KLC1: variants seen among roughly 807,000 people sequenced by gnomAD.
KLC1 encodes the protein kinesin 2 60/70kDa.
Under a neutral mutation model 84.2 loss-of-function variants are expected in KLC1, and 30 were observed. The observed-to-expected ratio is 0.36, with a 90% CI of 0.27 to 0.48. The LOEUF (loss-of-function observed/expected upper bound fraction) is 0.48, where lower values mean the gene tolerates loss of function less well. Ranked by LOEUF, KLC1 falls within the 20% of genes least tolerant of loss-of-function variation. The pLI is 0.99. For synonymous variants in KLC1, 289 were observed against 293.3 expected (o/e 0.99, Z 0.15); for missense variants, 499 against 805.4 (o/e 0.62, Z 4.60).
intron 2 of KLC1, among the ~76,000 whole-genome samples, chr14:103,656,935 G>C: frequency 6.6e-6 from 1 of 152,270 alleles, no homozygotes; most frequent in Non-Finnish European, 1.5e-5. Flanking sequence ...ACAGCCTCAC[G>C]CTGGTCTGTT....
At chr14:103,656,146 A>G (rs76314289) in intron 2 of KLC1, among the ~76,000 whole-genome samples, 3,835 of 152,242 alleles carry the variant, frequency 0.025, 63 homozygotes, top group Non-Finnish European at 0.038. Context: ...TCCTTCCTTG[A>G]AGGCTGCTGC....
In KLC1 at chr14:103,679,308, G is replaced by C. The variant is rs140623157; in HGVS notation, c.1489-76G>C. ...GAACTGTTTTTTTTTTTTTTTTCTA[G>C]CGAAGTATCTCAGAAATACCTAAGA... On this transcript the variant is annotated intron_variant, in intron 12 of 16. Coordinates refer to ENST00000334553, the MANE Select transcript of KLC1 (RefSeq NM_001394837.1). 1.6e-5 allele frequency: 20 copies of C among 1,231,862 alleles called. No homozygotes were observed. The African/African-American group carries it at 2.8e-4, about 18-fold the overall frequency. The allele number at this position is 1,231,862 out of a possible 1,614,324, so 76.3% of individuals were successfully genotyped here.
At position 103,693,641 on chromosome 14, in the gene KLC1, T is replaced by C. The variant is rs2082246642; in HGVS notation, c.1848+1216T>C. The C allele has an allele frequency of 4.6e-6, 7 of 1,535,214 alleles. No homozygotes were observed. Among genetic ancestry groups the C allele is most frequent in the South Asian group, 3.6e-5 (3 of 83,988 alleles). ...TGAGAGCCAGCAGGGCTAGGTAACC[T>C]GTCTTGGGAGTGTGAGACCGCCCCG... is the stretch of plus-strand genomic sequence containing the variant. On this transcript the variant is annotated intron_variant, in intron 15 of 16. Coordinates refer to ENST00000334553, the MANE Select transcript of KLC1 (RefSeq NM_001394837.1). This position sits in a 1 kb window ranked among gnomAD's most constrained non-coding sequence, Gnocchi z 5.1.
chr14:103,662,056 TCAGGA>T (rs1003049391), intron 3 of KLC1, 55 bp from the exon 4 acceptor site: 1 of 1,116,548 alleles, frequency 9.0e-7, no homozygotes, highest in Admixed American at 1.9e-5. Context: ...TTAAAAATTT[TCAGGA>T]CAGGATGTGT....
At position 103,662,740 on chromosome 14, in the gene KLC1, C is replaced by A. The variant is rs2079401514; in HGVS notation, c.610C>A (p.Gln204Lys). The A allele has an allele frequency of 6.2e-7, 1 of 1,607,990 alleles. No individual in the cohort carries two copies. The highest frequency in any genetic ancestry group is 8.5e-7 in the Non-Finnish European group (1 of 1,177,492). The change falls in exon 5 of 17, where the codon CAG (glutamine) becomes AAG (lysine). Residue 204 changes from glutamine (Q) to lysine (K), a missense_variant. Transcript: ENST00000334553. ...QHSSAAAAAQ[Q>K]GGYEIPARLR... ...CAGCAGTGCAGCCGCGGCTGCCCAG[C>A]AGGGCGGCTACGAGATCCCCGCGCG...
chr14:103,677,114 CCCAGAT>C (rs2080966004), intron 11 of KLC1, among the ~76,000 whole-genome samples: 1 of 151,818 alleles, frequency 6.6e-6, no homozygotes. Flanking sequence ...ACAGACCTGG[CCCAGAT>C]GTTTCTGTTG....
chr14:103,691,109 A>G (rs2082081011), intron 14 of KLC1, among the ~76,000 whole-genome samples: 1 of 151,112 alleles, frequency 6.6e-6, no homozygotes, highest in Non-Finnish European at 1.5e-5. Context: ...CCTGAAAAGC[A>G]TCAGACTGAA....
At chr14:103,638,690 C>T (rs1333128509) in intron 1 of KLC1, among the ~76,000 whole-genome samples, 3 of 136,116 alleles carry the variant, frequency 2.2e-5, no homozygotes, top group Non-Finnish European at 4.6e-5. Context: ...GAGTCAGAGT[C>T]TCGCTCTGTC....
chr14:103,679,672 G>A (rs1231490600), intron 13 of KLC1, 127 bp downstream of exon 13: 2 of 664,006 alleles, frequency 3.0e-6, no homozygotes, highest in African/African-American at 3.6e-5. Context: ...TAAGCTTTCT[G>A]TAAGTTCTTC....
rs539945095 is a variant in KLC1, at chr14:103,685,967, T to C, written c.1651-1114T>C. ...ACAGGTAGTTAAGTGTCACACAAGG[T>C]GTTGTTGCAATGGCATGACGGTGAC... On this transcript the variant is annotated intron_variant, in intron 13 of 16. Transcript: ENST00000334553. 15 of 1,118,298 alleles carry C rather than the reference T, an allele frequency of 1.3e-5. No individual in the cohort carries two copies. The South Asian group carries it at 3.2e-4, about 24-fold the overall frequency. 69.3% of individuals were successfully genotyped at this position (1,118,298 alleles called of 1,614,324 possible).
chr14:103,701,022 A>G (rs1398712613), intron 16 of KLC1, among the ~76,000 whole-genome samples, 179 bp from the exon 17 acceptor site: 1 of 152,174 alleles, frequency 6.6e-6, no homozygotes, highest in Non-Finnish European at 1.5e-5. Context: ...GGGAGCAGAG[A>G]CCAAAGACGC....
intron 15 of KLC1, chr14:103,699,513 G>C (rs1367173444): frequency 2.5e-6 from 4 of 1,613,198 alleles, no homozygotes; most frequent in Non-Finnish European, 2.5e-6. Context: ...ATGACCACCA[G>C]GCGAGCCATG....
chr14:103,691,406 C>G (rs201843309), intron 14 of KLC1, among the ~76,000 whole-genome samples: 1 of 149,638 alleles, frequency 6.7e-6, no homozygotes, highest in Admixed American at 6.7e-5. Context: ...GTGATCCACC[C>G]GCCTCAGTCT....
At chr14:103,662,553 C>T in intron 4 of KLC1, 149 bp from the exon 5 acceptor site, 1 of 643,932 alleles carries the variant, frequency 1.6e-6, no homozygotes, top group Non-Finnish European at 2.6e-6. Flanking sequence ...CTTACCCTGC[C>T]TGCCCAGACA....
chr14:103,695,339 G>GTGTA (rs1179409291), intron 15 of KLC1: 3 of 380,280 alleles, frequency 7.9e-6, no homozygotes, highest in South Asian at 1.0e-4. Flanking sequence ...GTGTGTGTGT[G>GTGTA]TATATATATA....
intron 14 of KLC1, among the ~76,000 whole-genome samples, chr14:103,690,920 GA>G (rs768092834): frequency 2.0e-5 from 3 of 152,136 alleles, no homozygotes; most frequent in Admixed American, 6.5e-5. Context: ...TTTCTAAGTA[GA>G]AAAATACTGG....
chr14:103,636,170 G>A (rs1213344617), intron 1 of KLC1, among the ~76,000 whole-genome samples: 2 of 151,824 alleles, frequency 1.3e-5, no homozygotes, highest in African/African-American at 2.4e-5. Flanking sequence ...GCCCTCCCCC[G>A]GTAACCATCT....
intron 1 of KLC1, among the ~76,000 whole-genome samples, chr14:103,646,921 T>C (rs905748836): frequency 2.6e-5 from 4 of 152,150 alleles, no homozygotes; most frequent in African/African-American, 9.7e-5. Context: ...ATAAGAACTA[T>C]TTCTATTTTT....
intron 14 of KLC1, among the ~76,000 whole-genome samples, chr14:103,690,827 C>T (rs2082066219): frequency 6.6e-6 from 1 of 152,148 alleles, no homozygotes; most frequent in South Asian, 2.1e-4. Context: ...ATTTTAAATA[C>T]ATCAGATGGA....
Sources: gnomAD v4.1 joint callset for allele counts (sites outside exome capture counted in the v4.1 genomes callset) on GRCh38, gnomAD v4.1.1 for gene constraint, Gnocchi (gnomAD v3.1) non-coding constraint, MANE v1.5 for transcripts, NCBI Gene and HGNC (gene_info 2026-07-23, HGNC 2026-07-21) for gene names.